The following DACH2 variants were observed in gnomAD, a reference collection of about 807,000 sequenced individuals.
DACH2 encodes the protein dachshund homolog 2.
In DACH2, 17 loss-of-function variants were observed where a neutral mutation model predicts 35.8. The ratio of observed to expected loss-of-function variants is 0.48; its 90% CI spans 0.33 to 0.71. The LOEUF (loss-of-function observed/expected upper bound fraction) is 0.71, where lower values mean the gene tolerates loss of function less well. Ranked by LOEUF, DACH2 falls within the 30% of genes least tolerant of loss-of-function variation. The probability of loss-of-function intolerance (pLI) is 0.02; values close to 1 mark genes in which losing one functional copy is unlikely to be tolerated. For missense variants in DACH2, 469 were observed against 472.7 expected, an observed-to-expected ratio of 0.99 and a Z score of 0.07; for synonymous variants, 195 against 177.3, an observed-to-expected ratio of 1.10 and a Z score of -0.79.
chrX:86,748,886 CCT>C (rs757917770), intron 7 of DACH2, among the ~76,000 whole-genome samples: 6 of 111,613 alleles, frequency 5.4e-5, no homozygotes, highest in Non-Finnish European at 7.5e-5. Context: ...TAGCCACCTT[CCT>C]CAATGATCTT....
chrX:86,442,026 A>G (rs1018825813), intron 2 of DACH2, among the ~76,000 whole-genome samples: 6 of 109,653 alleles, frequency 5.5e-5, no homozygotes, highest in Admixed American at 2.0e-4. Context: ...CACCATGCCC[A>G]GTTATCCTTT....
intron 3 of DACH2, among the ~76,000 whole-genome samples, chrX:86,608,906 C>A (rs150615908): frequency 2.2e-3 from 244 of 111,497 alleles, no homozygotes; most frequent in African/African-American, 7.4e-3. Flanking sequence ...CTTTCTTTAG[C>A]CTTGTTCTTT....
chrX:86,585,952 T>G (rs1018328529), intron 3 of DACH2, among the ~76,000 whole-genome samples: 6 of 111,800 alleles, frequency 5.4e-5, no homozygotes, highest in Non-Finnish European at 9.4e-5. Flanking sequence ...CTAGGTCGAA[T>G]GGTAATTCTG....
At chrX:86,632,100 C>A (rs1269938377) in intron 3 of DACH2, among the ~76,000 whole-genome samples, 1 of 111,615 alleles carries the variant, frequency 9.0e-6, no homozygotes, top group Non-Finnish European at 1.9e-5. Context: ...GATGCAATTT[C>A]TCCTTTATTC....
At position 86,760,564 on chromosome X, in the gene DACH2, C is replaced by T. The variant is rs747738195; in HGVS notation, c.1240+20682C>T. 7.2e-5 allele frequency among the ~76,000 whole-genome samples: 8 copies of T among 111,449 alleles called. No individual in the cohort carries two copies. In the South Asian group the frequency reaches 3.0e-3, roughly 41 times the overall value. ...CAAAATTACTGTTAGATTTTTTAAT[C>T]ATGTCTATATTTTTGGCAAGTTCCT... On this transcript the variant is annotated intron_variant, in intron 7 of 11. Coordinates refer to ENST00000373125, the MANE Select transcript of DACH2 (RefSeq NM_053281.3).
Position 86,813,215 on chromosome X carries a change from A to G in DACH2, c.1475A>G (p.Tyr492Cys). Residue 492 changes from tyrosine (Y) to cysteine (C), a missense_variant, in exon 9 of 12, where the codon TAT becomes TGT. By Grantham distance (194) the Tyr-to-Cys change is radical. Transcript: ENST00000373125. ...AAGAAGGAGCTGCGACTGGAGCTCT[A>G]TAGAGAGAGAGAAATTAGAGAAAAC... ...QEKKELRLEL[Y>C]REREIRENLE... 2 of 1,203,548 alleles carry G rather than the reference A, an allele frequency of 1.7e-6. No homozygotes were observed. The highest frequency in any genetic ancestry group is 2.2e-6 in the Non-Finnish European group (2 of 891,890).
At chrX:86,640,437 C>A (rs761961660) in intron 3 of DACH2, among the ~76,000 whole-genome samples, 2 of 111,773 alleles carry the variant, frequency 1.8e-5, no homozygotes, top group South Asian at 7.6e-4. Flanking sequence ...ACAGTAAACC[C>A]CTGGCTTGGG....
intron 1 of DACH2, chrX:86,304,524 C>A: frequency 7.0e-6 from 1 of 143,267 alleles, no homozygotes. Context: ...ATTCCATGGT[C>A]ATTTCCTCCT....
chrX:86,621,509 T>A (rs1374720750), intron 3 of DACH2, among the ~76,000 whole-genome samples: 2 of 110,275 alleles, frequency 1.8e-5, no homozygotes, highest in African/African-American at 6.6e-5. Flanking sequence ...ATTTAATTCA[T>A]GGAACTATAA....
intron 11 of DACH2, among the ~76,000 whole-genome samples, chrX:86,823,148 T>C (rs1405258507): frequency 9.0e-6 from 1 of 110,798 alleles, no homozygotes; most frequent in Non-Finnish European, 1.9e-5. Context: ...TTGTTCAGGC[T>C]GGTCTCAGGC....
intron 1 of DACH2, among the ~76,000 whole-genome samples, chrX:86,361,975 T>C (rs1259364973): frequency 9.0e-6 from 1 of 111,348 alleles, no homozygotes; most frequent in Non-Finnish European, 1.9e-5. Flanking sequence ...ACAGTTACAA[T>C]TGCAATAATT....
intron 3 of DACH2, among the ~76,000 whole-genome samples, chrX:86,578,224 C>A (rs889343556): frequency 9.0e-6 from 1 of 110,992 alleles, no homozygotes; most frequent in Non-Finnish European, 1.9e-5. Context: ...GGTGTCACTG[C>A]AGAATTGATT....
chrX:86,793,673 T>G (rs779099158), intron 7 of DACH2, among the ~76,000 whole-genome samples: 2 of 112,545 alleles, frequency 1.8e-5, no homozygotes, highest in East Asian at 2.8e-4. Flanking sequence ...ATTTAAACTC[T>G]AATGTTCTCT....
At chrX:86,295,137 C>G (rs1417015813) in intron 1 of DACH2, among the ~76,000 whole-genome samples, 1 of 111,192 alleles carries the variant, frequency 9.0e-6, no homozygotes, top group African/African-American at 3.3e-5. Context: ...GTTTTTTAAG[C>G]CCATCGGAAA....
intron 1 of DACH2, among the ~76,000 whole-genome samples, chrX:86,153,220 G>C (rs944872233): frequency 9.0e-5 from 10 of 111,204 alleles, no homozygotes; most frequent in African/African-American, 2.9e-4. Context: ...TTGGAGACAT[G>C]ATTCAACATA....
intron 7 of DACH2, among the ~76,000 whole-genome samples, chrX:86,757,483 G>T: frequency 8.9e-6 from 1 of 112,208 alleles, no homozygotes; most frequent in East Asian, 2.8e-4. Flanking sequence ...ATTCAGCTGT[G>T]AAGCCATCTG....
intron 3 of DACH2, among the ~76,000 whole-genome samples, chrX:86,592,042 ATTTT>A (rs774091490): frequency 9.1e-6 from 1 of 109,976 alleles, no homozygotes; most frequent in Non-Finnish European, 1.9e-5. Flanking sequence ...CTAAACTATG[ATTTT>A]TTTTTATTTT....
chrX:86,484,675 T>C (rs2037992553), intron 2 of DACH2, among the ~76,000 whole-genome samples: 2 of 112,171 alleles, frequency 1.8e-5, no homozygotes, highest in East Asian at 2.8e-4. Context: ...CATTGTTTCA[T>C]AGAAAAATCA....
intron 3 of DACH2, among the ~76,000 whole-genome samples, chrX:86,646,596 A>G (rs2040418068): frequency 1.8e-5 from 2 of 110,374 alleles, no homozygotes; most frequent in African/African-American, 6.6e-5. Context: ...AAGTGGTACT[A>G]TATCAAACTA....
Sources: allele counts gnomAD v4.1 joint callset (sites outside exome capture counted in the v4.1 genomes callset), GRCh38; gene constraint gnomAD v4.1.1; transcripts MANE v1.5; gene names NCBI Gene and HGNC (gene_info 2026-07-23, HGNC 2026-07-21).